Variants in IFT80 observed in about 807,000 individuals in gnomAD.
The protein encoded by IFT80 is intraflagellar transport protein 80 homolog.
A neutral mutation model predicts 107.9 loss-of-function variants in IFT80; 79 were observed. The observed-to-expected ratio is 0.73, with a 90% CI of 0.61 to 0.88. IFT80 has a LOEUF of 0.88. Among genes scored for constraint, IFT80 ranks in the 40% least tolerant of loss-of-function variants. The pLI, the probability that IFT80 is intolerant of heterozygous loss-of-function variation, is 0.00. For synonymous variants in IFT80, 299 were observed against 300.9 expected, an observed-to-expected ratio of 0.99 and a Z score of 0.07; for missense variants, 797 against 914.2, an observed-to-expected ratio of 0.87 and a Z score of 1.65.
At chr3:160,365,134 C>T (rs1203895556) in intron 6 of IFT80, among the ~76,000 whole-genome samples, 1 of 152,014 alleles carries the variant, frequency 6.6e-6, no homozygotes, top group Non-Finnish European at 1.5e-5. Context: ...CATGGAAGGA[C>T]TTTGACTAAG....
intron 12 of IFT80, among the ~76,000 whole-genome samples, chr3:160,288,595 C>G (rs1236339593): frequency 6.6e-6 from 1 of 151,930 alleles, no homozygotes; most frequent in Non-Finnish European, 1.5e-5. Context: ...GTGCATCTGA[C>G]AAAAGTCTAA....
intron 5 of IFT80, 69 bp from the exon 6 acceptor site, chr3:160,366,221 T>C: frequency 8.8e-7 from 1 of 1,139,096 alleles, no homozygotes. Context: ...AAAAGAGAGA[T>C]TGTTAAGAGG....
intron 15 of IFT80, among the ~76,000 whole-genome samples, chr3:160,280,321 A>G (rs1714589281): frequency 6.6e-6 from 1 of 152,200 alleles, no homozygotes; most frequent in Non-Finnish European, 1.5e-5. Flanking sequence ...AATCTGTGAC[A>G]GCGTTGGGTA....
At chr3:160,280,991 A>G (rs1429212236) in intron 14 of IFT80, among the ~76,000 whole-genome samples, 177 bp from the exon 15 acceptor site, 1 of 152,232 alleles carries the variant, frequency 6.6e-6, no homozygotes, top group African/African-American at 2.4e-5. Flanking sequence ...ATTTACAGAA[A>G]TATTTGAATG....
intron 1 of IFT80, among the ~76,000 whole-genome samples, chr3:160,385,053 T>C (rs917995490): frequency 6.6e-6 from 1 of 152,182 alleles, no homozygotes; most frequent in African/African-American, 2.4e-5. Flanking sequence ...CTAGAATCCA[T>C]GTGGAAAAAT....
chr3:160,277,287 T>G lies in IFT80; in HGVS notation c.2099+19A>C, dbSNP rs539564457. ...AAGGTCAAACAGATTTTGGAACTGA[T>G]GGAAAGCATTCTTATTACCTTTCCC... On this transcript the variant is annotated intron_variant, in intron 18 of 19. Coordinates refer to ENST00000326448, the MANE Select transcript of IFT80 (RefSeq NM_020800.3). 1 of 1,604,828 alleles carries G rather than the reference T, an allele frequency of 6.2e-7. No homozygotes were observed. The highest frequency in any genetic ancestry group is 1.1e-5 in the South Asian group (1 of 90,862).
intron 8 of IFT80, among the ~76,000 whole-genome samples, chr3:160,349,214 G>A (rs994347531): frequency 7.2e-5 from 11 of 151,966 alleles, no homozygotes; most frequent in African/African-American, 2.7e-4. Flanking sequence ...TTGGGAGGCC[G>A]AAGCGAGTGG....
intron 9 of IFT80, among the ~76,000 whole-genome samples, chr3:160,317,487 T>C (rs1186827252): frequency 6.6e-6 from 1 of 152,110 alleles, no homozygotes; most frequent in Non-Finnish European, 1.5e-5. Context: ...TATGGTCTCA[T>C]GTTGGGGCAT....
chr3:160,269,853 A>G (rs1713659600), intron 18 of IFT80, among the ~76,000 whole-genome samples: 1 of 152,350 alleles, frequency 6.6e-6, no homozygotes, highest in African/African-American at 2.4e-5. Context: ...TTCTAATATG[A>G]CATACGACTT....
intron 8 of IFT80, among the ~76,000 whole-genome samples, chr3:160,351,741 A>G (rs1191885887): frequency 1.4e-5 from 2 of 141,978 alleles, no homozygotes; most frequent in Non-Finnish European, 3.0e-5. Context: ...TGATAACTGT[A>G]TAAAAGGATA....
At chr3:160,272,168 T>G (rs1299929835) in intron 18 of IFT80, among the ~76,000 whole-genome samples, 2 of 152,078 alleles carry the variant, frequency 1.3e-5, no homozygotes, top group Non-Finnish European at 2.9e-5. Flanking sequence ...TAAAACAAAT[T>G]TAAGAACATA....
intron 19 of IFT80, among the ~76,000 whole-genome samples, chr3:160,265,601 A>G (rs1472439655): frequency 6.6e-6 from 1 of 152,196 alleles, no homozygotes; most frequent in African/African-American, 2.4e-5. Flanking sequence ...ATAACTCTAA[A>G]TATCAGGGTT....
intron 8 of IFT80, among the ~76,000 whole-genome samples, chr3:160,355,713 A>T (rs1317276362): frequency 6.6e-6 from 1 of 152,238 alleles, no homozygotes; most frequent in Non-Finnish European, 1.5e-5. Flanking sequence ...TTTAAAACTG[A>T]ATTTTCCATA....
intron 9 of IFT80, among the ~76,000 whole-genome samples, chr3:160,312,106 C>T (rs1717310679): frequency 1.3e-5 from 2 of 152,112 alleles, no homozygotes; most frequent in South Asian, 4.1e-4. Context: ...TTAATTAGAA[C>T]AAGAATGCTC....
chr3:160,341,364 T>C (rs1719884223), intron 8 of IFT80, among the ~76,000 whole-genome samples: 1 of 151,696 alleles, frequency 6.6e-6, no homozygotes, highest in Non-Finnish European at 1.5e-5. Context: ...AAAACCTAAA[T>C]AATAATTTGA....
Position 160,320,431 on chromosome 3 carries a change from C to CT in IFT80, c.778-493dup, listed in dbSNP as rs530699154. On this transcript the variant is annotated intron_variant, in intron 8 of 19. Transcript: ENST00000326448. ...ACACGAAACTGGATCTATTTCTTTT[C>CT]TTTTTTTTTTAACAGACTGCAGTGA... is the stretch of plus-strand genomic sequence containing the variant. Among the ~76,000 whole-genome samples the CT allele has an allele frequency of 8.2e-4, 121 of 147,892 alleles. 1 individual carries two copies. Among genetic ancestry groups the CT allele is most frequent in the South Asian group, 4.7e-3 (22 of 4,652 alleles).
chr3:160,328,579 T>C (rs991988981), intron 8 of IFT80, among the ~76,000 whole-genome samples: 1 of 151,480 alleles, frequency 6.6e-6, no homozygotes, highest in African/African-American at 2.4e-5. Flanking sequence ...TGGAAGACAG[T>C]ATGGCAATTC....
chr3:160,281,799 T>C (rs1052406204), intron 14 of IFT80, among the ~76,000 whole-genome samples: 1 of 152,146 alleles, frequency 6.6e-6, no homozygotes, highest in African/African-American at 2.4e-5. Flanking sequence ...TCCCAGGTGT[T>C]GGCAGGCCAC....
intron 8 of IFT80, among the ~76,000 whole-genome samples, chr3:160,322,280 G>A (rs1018068048): frequency 6.8e-6 from 1 of 148,008 alleles, no homozygotes; most frequent in African/African-American, 2.5e-5. Flanking sequence ...GTGAGAACAT[G>A]TGGTGTTTGG....
Sources: gnomAD v4.1 joint callset for allele counts (sites outside exome capture counted in the v4.1 genomes callset) on GRCh38, gnomAD v4.1.1 for gene constraint, MANE v1.5 for transcripts, NCBI Gene and HGNC (gene_info 2026-07-23, HGNC 2026-07-21) for gene names.